NEGR1: variants seen among roughly 807,000 people sequenced by gnomAD.
NEGR1 encodes the protein IgLON family member 4.
In NEGR1, 10 loss-of-function variants were observed where a neutral mutation model predicts 40.9. The observed-to-expected ratio is 0.24, with a 90% CI of 0.15 to 0.42. The LOEUF (loss-of-function observed/expected upper bound fraction) is 0.42. Ranked by LOEUF, NEGR1 falls within the 10% of genes least tolerant of loss-of-function variation. The pLI is 1.00. For missense variants in NEGR1, 352 were observed against 438.9 expected (o/e 0.80, Z 1.77); for synonymous variants, 185 against 166.8 (o/e 1.11, Z -0.84).
intron 6 of NEGR1, among the ~76,000 whole-genome samples, chr1:71,457,517 G>C (rs1466884623): frequency 6.6e-6 from 1 of 152,140 alleles, no homozygotes; most frequent in Non-Finnish European, 1.5e-5. Context: ...CTAGGAAAAA[G>C]AGGAAACAAG....
At chr1:71,694,249 G>A (rs184620091) in intron 4 of NEGR1, among the ~76,000 whole-genome samples, 2 of 150,418 alleles carry the variant, frequency 1.3e-5, no homozygotes, top group Admixed American at 1.3e-4. Flanking sequence ...TTTTTCTCGT[G>A]TGTGTGTGTG....
chr1:71,644,544 G>A (rs1033373211), intron 4 of NEGR1, among the ~76,000 whole-genome samples: 3 of 151,920 alleles, frequency 2.0e-5, no homozygotes, highest in Non-Finnish European at 4.4e-5. Context: ...ATTTATTCAT[G>A]TATCTCAAGA....
At chr1:71,703,451 T>C (rs1252616370) in intron 3 of NEGR1, 2 of 134,746 alleles carry the variant, frequency 1.5e-5, no homozygotes, top group Non-Finnish European at 3.2e-5. Context: ...CTCTGAACTA[T>C]AACTAGTGGA....
chr1:71,452,930 T>C (rs900883678), intron 6 of NEGR1, among the ~76,000 whole-genome samples: 2 of 152,062 alleles, frequency 1.3e-5, no homozygotes, highest in African/African-American at 4.8e-5. Flanking sequence ...AACACAGAAA[T>C]AGTCCTTTGA....
intron 1 of NEGR1, among the ~76,000 whole-genome samples, chr1:72,041,727 C>T (rs114797957): frequency 7.0e-4 from 104 of 148,194 alleles, no homozygotes; most frequent in African/African-American, 2.4e-3. Context: ...TATATATATA[C>T]ACACACATAT....
At chr1:72,184,817 T>C (rs1211312844) in intron 1 of NEGR1, among the ~76,000 whole-genome samples, 1 of 152,042 alleles carries the variant, frequency 6.6e-6, no homozygotes, top group Admixed American at 6.6e-5. Flanking sequence ...ACACTTTCTA[T>C]GTGGTAGTTT....
Position 71,992,553 on chromosome 1 carries a change from C to G in NEGR1, c.177-57242G>C, listed in dbSNP as rs192788010. Among the ~76,000 whole-genome samples, 3 of 152,304 alleles carry G rather than the reference C, an allele frequency of 2.0e-5. No homozygotes were observed. In the East Asian group the frequency reaches 5.8e-4, roughly 29 times the overall value. On this transcript the variant is annotated intron_variant, in intron 1 of 6. Transcript: ENST00000357731. Reference sequence around the variant, plus strand: ...TATCTATCTCAATATATCCAAGCTACTATTTAAACATGTAATCAATATAAA... The same window carrying G: ...TATCTATCTCAATATATCCAAGCTAGTATTTAAACATGTAATCAATATAAA...
At chr1:71,717,837 A>G (rs1654329322) in intron 3 of NEGR1, among the ~76,000 whole-genome samples, 1 of 152,160 alleles carries the variant, frequency 6.6e-6, no homozygotes, top group African/African-American at 2.4e-5. Flanking sequence ...AAAAAGGAAA[A>G]CTGAACACAG....
intron 1 of NEGR1, among the ~76,000 whole-genome samples, chr1:72,097,148 T>C (rs1470304226): frequency 6.6e-6 from 1 of 152,224 alleles, no homozygotes; most frequent in East Asian, 1.9e-4. Flanking sequence ...TATTTTATAA[T>C]GATTAAAAGT....
chr1:71,564,624 A>T (rs1462108737), intron 6 of NEGR1, among the ~76,000 whole-genome samples: 1 of 152,104 alleles, frequency 6.6e-6, no homozygotes, highest in Non-Finnish European at 1.5e-5. Context: ...TCAAAAATTT[A>T]ATCGCAATTT....
intron 4 of NEGR1, among the ~76,000 whole-genome samples, chr1:71,670,630 C>T (rs61159202): frequency 0.5 from 76,078 of 151,856 alleles, 19,084 homozygotes; most frequent in Middle Eastern, 0.56. Context: ...GCAACCTCTG[C>T]CTTCCTGGCT....
intron 1 of NEGR1, among the ~76,000 whole-genome samples, chr1:72,273,774 C>T (rs1351125916): frequency 6.6e-6 from 1 of 151,546 alleles, no homozygotes; most frequent in Non-Finnish European, 1.5e-5. Flanking sequence ...CAATGTATAT[C>T]TCTTAAACCA....
At chr1:72,237,487 C>A (rs1381441385) in intron 1 of NEGR1, among the ~76,000 whole-genome samples, 1 of 151,874 alleles carries the variant, frequency 6.6e-6, no homozygotes, top group Non-Finnish European at 1.5e-5. Context: ...CATTACTTCT[C>A]CCAAAATGCT....
intron 1 of NEGR1, among the ~76,000 whole-genome samples, chr1:72,224,615 G>C (rs535032611): frequency 6.6e-6 from 1 of 152,096 alleles, no homozygotes; most frequent in South Asian, 2.1e-4. Flanking sequence ...TAACTAACTT[G>C]CATCTTACCC....
intron 1 of NEGR1, among the ~76,000 whole-genome samples, chr1:72,008,527 G>A (rs1646628900): frequency 1.3e-5 from 2 of 152,078 alleles, no homozygotes; most frequent in South Asian, 2.1e-4. Context: ...CTATTGGGCT[G>A]CTTTAAGAAT....
At chr1:72,134,325 C>T (rs1284138239) in intron 1 of NEGR1, among the ~76,000 whole-genome samples, 2 of 151,498 alleles carry the variant, frequency 1.3e-5, no homozygotes, top group African/African-American at 2.4e-5. Context: ...CCTGCCTTAG[C>T]CTCCTGAGTA....
intron 2 of NEGR1, among the ~76,000 whole-genome samples, chr1:71,890,200 C>A (rs1660838364): frequency 9.9e-6 from 1 of 101,496 alleles, no homozygotes; most frequent in Non-Finnish European, 1.9e-5. Flanking sequence ...ATGACAGGAT[C>A]AAATTCACAC....
chr1:71,697,891 G>C (rs905315734), intron 4 of NEGR1, 117 bp downstream of exon 4: 1 of 908,188 alleles, frequency 1.1e-6, no homozygotes, highest in African/African-American at 1.7e-5. Flanking sequence ...AGTGTTAGTA[G>C]GTGATTTTTA....
At chr1:71,691,493 C>T (rs1570215318) in intron 4 of NEGR1, among the ~76,000 whole-genome samples, 1 of 151,588 alleles carries the variant, frequency 6.6e-6, no homozygotes, top group East Asian at 1.9e-4. Flanking sequence ...TGGCATTGTT[C>T]TCACTATTAT....
Sources: allele counts gnomAD v4.1 joint callset (sites outside exome capture counted in the v4.1 genomes callset), GRCh38; gene constraint gnomAD v4.1.1; transcripts MANE v1.5; gene names NCBI Gene and HGNC (gene_info 2026-07-23, HGNC 2026-07-21).